The following TARDBP variants were observed in gnomAD, a reference collection of about 807,000 sequenced individuals.
The protein encoded by TARDBP is TAR DNA binding protein, also known as TAR DNA-binding protein 43.
A neutral mutation model predicts 38.3 loss-of-function variants in TARDBP; 4 were observed. That is an observed-to-expected ratio of 0.10 (90% CI 0.05 to 0.24). TARDBP has a LOEUF of 0.24. TARDBP is among the 10% of genes least tolerant of loss of function. The pLI, the probability that TARDBP is intolerant of heterozygous loss-of-function variation, is 1.00. For missense variants in TARDBP, 202 were observed against 521.9 expected (o/e 0.39, Z 5.97); for synonymous variants, 184 against 183.8 (o/e 1.00, Z -0.01).
chr1:11,022,601 A>C lies in TARDBP; in HGVS notation c.1192A>C (p.Asn398His), dbSNP rs1233947497. Residue 398 changes from asparagine to histidine, a missense_variant, in exon 6 of 6, where the codon AAT (asparagine) becomes CAT (histidine). Around this residue, in one of 5 missense-constraint regions of TARDBP, gnomAD observed 107 missense variants for 190.5 expected, o/e 0.56. Coordinates refer to ENST00000240185, the MANE Select transcript of TARDBP (RefSeq NM_007375.4). This position sits in a 1 kb window ranked among gnomAD's most constrained non-coding sequence, Gnocchi z 4.5. ...ASNAGSGSGF[N>H]GGFGSSMDSK... ...CAATGCAGGGTCGGGCAGTGGTTTTAATGGAGGCTTTGGCTCAAGCATGGA... is the reference window on the plus strand; with the variant it reads ...CAATGCAGGGTCGGGCAGTGGTTTTCATGGAGGCTTTGGCTCAAGCATGGA... 12 of 1,595,230 alleles carry C rather than the reference A, an allele frequency of 7.5e-6. No individual in the cohort carries two copies. The highest frequency in any genetic ancestry group is 8.5e-6 in the Non-Finnish European group (10 of 1,171,186).
downstream of TARDBP, chr1:11,027,642 C>T (rs915010179): frequency 1.9e-6 from 3 of 1,595,520 alleles, no homozygotes; most frequent in Non-Finnish European, 1.7e-6. Flanking sequence ...GGCTGATAGT[C>T]CACAAACTGG....
In TARDBP at chr1:11,013,817, G is replaced by C. The variant is rs111671110; in HGVS notation, c.90G>C (p.Thr30=). ...SEDDGTVLLS[T]VTAQFPGACG... ...ACGATGGGACGGTGCTGCTCTCCAC[G>C]GTTACAGCCCAGTTTCCAGGGGCGT... is the stretch of plus-strand genomic sequence containing the variant. Residue 30 remains threonine, a synonymous_variant, in exon 2 of 6, where the codon ACG becomes ACC. Transcript: ENST00000240185. 2 of 1,613,992 alleles carry C rather than the reference G, an allele frequency of 1.2e-6. No homozygotes were observed. Among genetic ancestry groups the C allele is most frequent in the Non-Finnish European group, 1.7e-6 (2 of 1,179,874 alleles).
At chr1:11,026,874 A>G (rs779532007), downstream of TARDBP, 24 of 1,474,254 alleles carry the variant, frequency 1.6e-5, no homozygotes, top group Non-Finnish European at 2.1e-5. Flanking sequence ...CCTTGACTGC[A>G]GACACGCAAG....
chr1:11,013,427 G>T (rs1174293070), intron 1 of TARDBP, among the ~76,000 whole-genome samples: 1 of 132,106 alleles, frequency 7.6e-6, no homozygotes, highest in Admixed American at 8.3e-5. Flanking sequence ...ACCCTAGCTT[G>T]TAACCAGCAA....
At chr1:11,027,005 CCACCTCTCTGTTTCA>C (rs763934744), downstream of TARDBP, 7 of 1,598,946 alleles carry the variant, frequency 4.4e-6, no homozygotes, top group African/African-American at 9.4e-5. Context: ...CTCCCACAAA[CCACCTCTCTGTTTCA>C]CTATCTAGAA....
intron 2 of TARDBP, among the ~76,000 whole-genome samples, chr1:11,014,172 A>AT (rs1421754902): frequency 1.1e-4 from 17 of 152,240 alleles, no homozygotes; most frequent in African/African-American, 3.9e-4. Flanking sequence ...AAAACAATGT[A>AT]TTTAAAAAAT....
At chr1:11,027,325 T>C (rs773661228), downstream of TARDBP, 6 of 1,614,132 alleles carry the variant, frequency 3.7e-6, no homozygotes, top group South Asian at 3.3e-5. Flanking sequence ...ATTACAACTT[T>C]GTTATTCAAT....
downstream of TARDBP, chr1:11,027,697 G>A (rs777536739): frequency 2.6e-5 from 40 of 1,524,464 alleles, no homozygotes; most frequent in African/African-American, 5.6e-5. Flanking sequence ...AATGTCAATC[G>A]TGTTTTTCTT....
At chr1:11,029,057 A>T (rs1395172304), downstream of TARDBP, among the ~76,000 whole-genome samples, 1 of 145,776 alleles carries the variant, frequency 6.9e-6, no homozygotes, top group East Asian at 2.1e-4. Context: ...CAGTGGCGCA[A>T]TCTTGGCTCA....
chr1:11,028,509 T>TC (rs1264177447), downstream of TARDBP, among the ~76,000 whole-genome samples: 1 of 152,164 alleles, frequency 6.6e-6, no homozygotes, highest in Non-Finnish European at 1.5e-5. Context: ...AGTTGATTCT[T>TC]CCAAACTAAG....
downstream of TARDBP, chr1:11,027,240 G>T (rs1643752142): frequency 6.2e-7 from 1 of 1,614,172 alleles, no homozygotes; most frequent in East Asian, 2.2e-5. Context: ...TCCAGATGCA[G>T]TTCCAATGTC....
At chr1:11,016,598 T>C (rs1016599659) in intron 2 of TARDBP, among the ~76,000 whole-genome samples, 2 of 152,242 alleles carry the variant, frequency 1.3e-5, no homozygotes, top group African/African-American at 2.4e-5. Context: ...AGGGAGAGAT[T>C]GTAATCCGGA....
downstream of TARDBP, among the ~76,000 whole-genome samples, chr1:11,028,983 C>A (rs1316537194): frequency 7.4e-6 from 1 of 134,416 alleles, no homozygotes; most frequent in Non-Finnish European, 1.6e-5. Context: ...AAAGTGCTGA[C>A]TTTTTTTTTC....
chr1:11,020,222 CTG>C (rs1474718474), intron 4 of TARDBP, among the ~76,000 whole-genome samples: 8 of 152,148 alleles, frequency 5.3e-5, no homozygotes, highest in Non-Finnish European at 1.0e-4. Flanking sequence ...TGATGCATGA[CTG>C]TGTACTTTTG....
At chr1:11,016,194 C>T (rs1643521395) in intron 2 of TARDBP, 1 of 152,670 alleles carries the variant, frequency 6.6e-6, no homozygotes, top group Non-Finnish European at 1.5e-5. Flanking sequence ...CTGCCTCAGA[C>T]TCCCAAAGTG....
At chr1:11,016,756 T>C in intron 2 of TARDBP, 88 bp from the exon 3 acceptor site, 3 of 1,375,488 alleles carry the variant, frequency 2.2e-6, no homozygotes, top group Non-Finnish European at 3.1e-6. Context: ...AGTCTTCTTT[T>C]TGCTTCTCAT....
intron 1 of TARDBP, among the ~76,000 whole-genome samples, chr1:11,013,486 C>T (rs906476682): frequency 2.0e-5 from 3 of 152,200 alleles, no homozygotes; most frequent in African/African-American, 7.2e-5. Context: ...GCATCATAAG[C>T]CTTCAGGGAA....
Position 11,020,612 on chromosome 1 carries a change from T to C in TARDBP, c.714+13T>C. 1 of 1,613,420 alleles carries C rather than the reference T, an allele frequency of 6.2e-7. No homozygotes were observed. Among genetic ancestry groups the C allele is most frequent in the Non-Finnish European group, 8.5e-7 (1 of 1,179,772 alleles). ...TGCAGATGATCAGGTATTTTTCTCC[T>C]TAACGATATGTCCCGGCCGGGCGTG... On this transcript the variant is annotated intron_variant, in intron 5 of 5. Coordinates refer to ENST00000240185, the MANE Select transcript of TARDBP (RefSeq NM_007375.4).
Position 11,012,759 on chromosome 1 carries a change from T to G in TARDBP, c.-13+16T>G, listed in dbSNP as rs562317550. 1 of 152,390 alleles carries G rather than the reference T, an allele frequency of 6.6e-6. No homozygotes were observed. Among genetic ancestry groups the G allele is most frequent in the South Asian group, 2.1e-4 (1 of 4,828 alleles). 9.4% of individuals were successfully genotyped at this position (152,390 alleles called of 1,614,324 possible). Reference sequence around the variant, plus strand: ...GGCCTAGCGGGTGAGTCGCGGAGCCTTCTCACTGAGGACGCCGTAGGTGCC... The same window carrying G: ...GGCCTAGCGGGTGAGTCGCGGAGCCGTCTCACTGAGGACGCCGTAGGTGCC... On this transcript the variant is annotated intron_variant, in intron 1 of 5. Coordinates refer to ENST00000240185, the MANE Select transcript of TARDBP (RefSeq NM_007375.4).
Sources: gnomAD v4.1 joint callset for allele counts (sites outside exome capture counted in the v4.1 genomes callset) on GRCh38, gnomAD v4.1.1 for gene constraint, gnomAD v4.1.1 regional missense constraint, Gnocchi (gnomAD v3.1) non-coding constraint, MANE v1.5 for transcripts, NCBI Gene and HGNC (gene_info 2026-07-23, HGNC 2026-07-21) for gene names.